GAREM1: variants seen among roughly 807,000 people sequenced by gnomAD.
GAREM1 encodes GRB2-associated and regulator of MAPK protein 1.
A neutral mutation model predicts 71.3 loss-of-function variants in GAREM1; 26 were observed. That is an observed-to-expected ratio of 0.36 (90% CI 0.27 to 0.51). The LOEUF (loss-of-function observed/expected upper bound fraction) is 0.51. GAREM1 is among the 20% of genes least tolerant of loss of function. GAREM1 has a pLI of 0.95. For missense variants in GAREM1, 1,026 were observed against 1,103.1 expected (o/e 0.93, Z 0.99); for synonymous variants, 440 against 433.2 (o/e 1.02, Z -0.20).
intron 1 of GAREM1, among the ~76,000 whole-genome samples, chr18:32,429,562 C>G (rs969553870): frequency 6.6e-6 from 1 of 152,108 alleles, no homozygotes; most frequent in Non-Finnish European, 1.5e-5. Flanking sequence ...GTTGCTACCA[C>G]GATATTTTTG....
chr18:32,304,002 G>C (rs1427196409), intron 3 of GAREM1, among the ~76,000 whole-genome samples: 1 of 148,932 alleles, frequency 6.7e-6, no homozygotes, highest in East Asian at 2.1e-4. Flanking sequence ...GGAGGGGAGG[G>C]AGAGGAGGGA....
chr18:32,296,707 GTT>G (rs547556975), intron 3 of GAREM1, among the ~76,000 whole-genome samples: 13 of 140,006 alleles, frequency 9.3e-5, no homozygotes, highest in South Asian at 6.9e-4. Flanking sequence ...TTTCTTGGCA[GTT>G]TTTTTTTTTT....
At chr18:32,391,010 T>A (rs1262205424) in intron 2 of GAREM1, among the ~76,000 whole-genome samples, 1 of 152,194 alleles carries the variant, frequency 6.6e-6, no homozygotes, top group East Asian at 1.9e-4. Context: ...CAGGTGTTTT[T>A]TAGAATTGGT....
chr18:32,426,674 T>G (rs1484351721), intron 1 of GAREM1, among the ~76,000 whole-genome samples: 4 of 152,192 alleles, frequency 2.6e-5, no homozygotes, highest in Non-Finnish European at 4.4e-5. Flanking sequence ...ACTCCACCAA[T>G]TTAATATGAC....
At chr18:32,381,144 A>T (rs2048093601) in intron 2 of GAREM1, among the ~76,000 whole-genome samples, 1 of 151,954 alleles carries the variant, frequency 6.6e-6, no homozygotes. Flanking sequence ...ATAATCTTTT[A>T]CTCCAAATAC....
At chr18:32,374,950 T>G (rs571624304) in intron 2 of GAREM1, among the ~76,000 whole-genome samples, 38 of 152,282 alleles carry the variant, frequency 2.5e-4, no homozygotes, top group African/African-American at 8.9e-4. Context: ...TCAACAGGCT[T>G]AGAGATCAGA....
chr18:32,414,650 T>C (rs1235882762), intron 1 of GAREM1, among the ~76,000 whole-genome samples: 2 of 151,558 alleles, frequency 1.3e-5, no homozygotes, highest in African/African-American at 4.8e-5. Flanking sequence ...AAGAAGAAAA[T>C]GTAAAAATGT....
chr18:32,370,234 C>T (rs1245886508), intron 2 of GAREM1, among the ~76,000 whole-genome samples: 1 of 151,996 alleles, frequency 6.6e-6, no homozygotes, highest in Non-Finnish European at 1.5e-5. Flanking sequence ...TCGAGACCAT[C>T]CTGGCCAACA....
chr18:32,322,488 T>C (rs556119798), intron 2 of GAREM1, among the ~76,000 whole-genome samples: 9 of 149,040 alleles, frequency 6.0e-5, no homozygotes, highest in East Asian at 1.9e-4. Flanking sequence ...ACTATAAAGA[T>C]TGGGGTCAGT....
chr18:32,398,461 G>A (rs144701541), intron 1 of GAREM1, among the ~76,000 whole-genome samples: 1,944 of 152,038 alleles, frequency 0.013, 52 homozygotes, highest in African/African-American at 0.045. Flanking sequence ...TCAAATAGAC[G>A]CAATAAAAAA....
Position 32,393,019 on chromosome 18 carries a change from C to T in GAREM1, c.138G>A (p.Gly46=), listed in dbSNP as rs202129554. ...ARLDNGECVE[G]LRENDYLLIH... ...TCAGCAGATAGTCATTTTCCCGCAG[C>T]CCTTCTACGCACTCTCCTAGGAAAT... Residue 46 remains glycine (G), a synonymous_variant, in exon 2 of 6, where the codon GGG becomes GGA. Transcript: ENST00000269209. 6.2e-7 allele frequency: 1 copy of T among 1,613,566 alleles called. No individual in the cohort carries two copies. Among genetic ancestry groups the T allele is most frequent in the South Asian group, 1.1e-5 (1 of 91,050 alleles).
chr18:32,386,126 C>T (rs559175065), intron 2 of GAREM1, among the ~76,000 whole-genome samples: 93 of 152,206 alleles, frequency 6.1e-4, no homozygotes, highest in African/African-American at 2.2e-3. Flanking sequence ...TTTTCCATTT[C>T]GTCACATAAG....
chr18:32,380,143 T>C (rs1342521086), intron 2 of GAREM1, among the ~76,000 whole-genome samples: 1 of 152,112 alleles, frequency 6.6e-6, no homozygotes, highest in Admixed American at 6.5e-5. Flanking sequence ...CTGTGGAACA[T>C]TTTTCTATAA....
intron 1 of GAREM1, among the ~76,000 whole-genome samples, chr18:32,406,849 G>C (rs544193913): frequency 6.6e-6 from 1 of 152,114 alleles, no homozygotes; most frequent in Non-Finnish European, 1.5e-5. Flanking sequence ...GAAAGTATAA[G>C]ACTGAAGAGG....
At chr18:32,318,027 T>G (rs181446332) in intron 2 of GAREM1, among the ~76,000 whole-genome samples, 2 of 152,326 alleles carry the variant, frequency 1.3e-5, no homozygotes, top group African/African-American at 4.8e-5. Flanking sequence ...TGTCAAACTC[T>G]GTTCTTGAAA....
chr18:32,356,228 G>T (rs1158625094), intron 2 of GAREM1, among the ~76,000 whole-genome samples: 2 of 152,154 alleles, frequency 1.3e-5, no homozygotes, highest in Non-Finnish European at 2.9e-5. Context: ...AATTCAAAAT[G>T]CACTGATAAT....
intron 1 of GAREM1, among the ~76,000 whole-genome samples, chr18:32,411,873 A>G (rs1237055858): frequency 6.6e-6 from 1 of 151,944 alleles, no homozygotes; most frequent in African/African-American, 2.4e-5. Context: ...TACACAGCAC[A>G]TTAAAAAAAA....
At chr18:32,365,940 C>G (rs1317828646) in intron 2 of GAREM1, among the ~76,000 whole-genome samples, 5 of 152,150 alleles carry the variant, frequency 3.3e-5, no homozygotes, top group African/African-American at 1.2e-4. Context: ...TTCCAGAACA[C>G]CTTTAAATAT....
chr18:32,320,446 ATT>A (rs907500603), intron 2 of GAREM1, among the ~76,000 whole-genome samples: 2 of 152,044 alleles, frequency 1.3e-5, no homozygotes, highest in African/African-American at 4.8e-5. Flanking sequence ...TAAAATTACT[ATT>A]TTTTCATGGC....
Sources: gnomAD v4.1 joint callset for allele counts (sites outside exome capture counted in the v4.1 genomes callset) on GRCh38, gnomAD v4.1.1 for gene constraint, MANE v1.5 for transcripts, NCBI Gene and HGNC (gene_info 2026-07-23, HGNC 2026-07-21) for gene names.